EPB41L3: variants seen among roughly 807,000 people sequenced by gnomAD.
The protein encoded by EPB41L3 is band 4.1-like protein 3.
Under a neutral mutation model 127.1 loss-of-function variants are expected in EPB41L3, and 57 were observed. The observed-to-expected ratio is 0.45, with a 90% confidence interval of 0.36 to 0.56. EPB41L3 has a LOEUF of 0.56. EPB41L3 is among the 20% of genes least tolerant of loss of function. The probability of loss-of-function intolerance (pLI) is 0.00; values close to 1 mark genes in which losing one functional copy is unlikely to be tolerated. For missense variants in EPB41L3, 1,273 were observed against 1,372.2 expected, an observed-to-expected ratio of 0.93 and a Z score of 1.14; for synonymous variants, 572 against 549.5, an observed-to-expected ratio of 1.04 and a Z score of -0.57.
At chr18:5,629,463 C>T (rs2094964199), upstream of EPB41L3, among the ~76,000 whole-genome samples, 1 of 150,584 alleles carries the variant, frequency 6.6e-6, no homozygotes, top group Non-Finnish European at 1.5e-5. Context: ...CCGCTAGCGC[C>T]CCCCACGCCA....
chr18:5,397,460 C>T lies in EPB41L3; in HGVS notation c.2473-34G>A, dbSNP rs181631569. On this transcript the variant is annotated intron_variant, in intron 17 of 22. Transcript: ENST00000341928. This position sits in a 1 kb window ranked among gnomAD's most constrained non-coding sequence, Gnocchi z 4.1. ...GAAGAGATTGTGGCATCAGTGTGAC[C>T]ATCCATAAACCAAAGGTCAGAAAAT... The T allele has an allele frequency of 6.4e-7, 1 of 1,562,324 alleles. No individual in the cohort carries two copies. The highest frequency in any genetic ancestry group is 8.7e-7 in the Non-Finnish European group (1 of 1,154,744).
At chr18:5,547,426 T>C (rs2093898886), upstream of EPB41L3, among the ~76,000 whole-genome samples, 1 of 152,214 alleles carries the variant, frequency 6.6e-6, no homozygotes, top group African/African-American at 2.4e-5. Flanking sequence ...GTCCACACAG[T>C]ACTAAAGAGA....
chr18:5,407,594 C>T (rs1300543725), intron 15 of EPB41L3, 107 bp downstream of exon 15: 2 of 1,168,798 alleles, frequency 1.7e-6, no homozygotes, highest in Non-Finnish European at 2.5e-6. Context: ...AACATGGTAA[C>T]CAGCTACAGA....
chr18:5,521,780 G>C (rs2093001043), intron 1 of EPB41L3, among the ~76,000 whole-genome samples: 1 of 152,098 alleles, frequency 6.6e-6, no homozygotes, highest in African/African-American at 2.4e-5. Context: ...GGGATTTTCT[G>C]GGATTTTTGC....
At chr18:5,491,308 C>T (rs1291173599) in intron 1 of EPB41L3, among the ~76,000 whole-genome samples, 2 of 152,188 alleles carry the variant, frequency 1.3e-5, no homozygotes, top group Non-Finnish European at 2.9e-5. Flanking sequence ...GACCCACCTA[C>T]TCTGGACTGT....
chr18:5,537,548 C>A (rs1327836402), intron 1 of EPB41L3, among the ~76,000 whole-genome samples: 1 of 152,084 alleles, frequency 6.6e-6, no homozygotes, highest in African/African-American at 2.4e-5. Context: ...AAAAAATATT[C>A]TTCTTCCCTA....
chr18:5,589,815 A>G (rs2094470606), intron 3 of EPB41L3, among the ~76,000 whole-genome samples: 1 of 152,228 alleles, frequency 6.6e-6, no homozygotes, highest in East Asian at 1.9e-4. Flanking sequence ...TGATGCTTCA[A>G]GGACATTAAT....
At chr18:5,451,558 T>A (rs375913332) in intron 3 of EPB41L3, among the ~76,000 whole-genome samples, 1 of 152,208 alleles carries the variant, frequency 6.6e-6, no homozygotes, top group African/African-American at 2.4e-5. Context: ...TCACTTCATA[T>A]CCCTGACCGT....
intron 1 of EPB41L3, among the ~76,000 whole-genome samples, chr18:5,507,417 C>T (rs896567873): frequency 4.6e-5 from 7 of 151,962 alleles, no homozygotes; most frequent in African/African-American, 1.7e-4. Flanking sequence ...TTAATAAATG[C>T]CATTTATTAA....
At chr18:5,581,117 C>T (rs1235266207) in intron 3 of EPB41L3, among the ~76,000 whole-genome samples, 1 of 152,136 alleles carries the variant, frequency 6.6e-6, no homozygotes, top group Non-Finnish European at 1.5e-5. Flanking sequence ...TCCACCAAGT[C>T]TTTGTGGTGT....
intron 3 of EPB41L3, among the ~76,000 whole-genome samples, chr18:5,586,247 T>C (rs2094440769): frequency 6.6e-6 from 1 of 152,186 alleles, no homozygotes; most frequent in South Asian, 2.1e-4. Flanking sequence ...TATTTTGGCA[T>C]ATGTCAGACT....
At chr18:5,528,364 TGG>T (rs968136145) in intron 1 of EPB41L3, among the ~76,000 whole-genome samples, 17 of 151,714 alleles carry the variant, frequency 1.1e-4, no homozygotes, top group African/African-American at 2.9e-4. Context: ...TTTGTAGAGG[TGG>T]GGTCTCACTA....
At chr18:5,524,510 T>C (rs1469342843) in intron 1 of EPB41L3, among the ~76,000 whole-genome samples, 5 of 152,186 alleles carry the variant, frequency 3.3e-5, no homozygotes, top group African/African-American at 1.2e-4. Context: ...TCTTAACTAC[T>C]ATAGTACACA....
At chr18:5,534,751 T>TGAGAAAAA (rs2093517966) in intron 1 of EPB41L3, among the ~76,000 whole-genome samples, 1 of 152,104 alleles carries the variant, frequency 6.6e-6, no homozygotes, top group Non-Finnish European at 1.5e-5. Flanking sequence ...TGAGAAAACA[T>TGAGAAAAA]GTACTATGTG....
chr18:5,430,018 T>C (rs1331462568), intron 8 of EPB41L3, among the ~76,000 whole-genome samples: 9 of 152,232 alleles, frequency 5.9e-5, no homozygotes, highest in African/African-American at 2.2e-4. Context: ...AACAGGACTT[T>C]AGGAAGTGTA....
At chr18:5,527,921 A>C (rs1719955) in intron 1 of EPB41L3, among the ~76,000 whole-genome samples, 37,591 of 152,050 alleles carry the variant, frequency 0.25, 4,998 homozygotes, top group African/African-American at 0.35. Flanking sequence ...ATCAACATAC[A>C]CGGATCTCAA....
At chr18:5,512,411 T>C (rs1029527339) in intron 1 of EPB41L3, among the ~76,000 whole-genome samples, 3 of 151,748 alleles carry the variant, frequency 2.0e-5, no homozygotes, top group Admixed American at 6.6e-5. Flanking sequence ...AGTGTCTTTG[T>C]TTGGGTGGGG....
intron 1 of EPB41L3, among the ~76,000 whole-genome samples, chr18:5,619,086 C>A (rs2094830948): frequency 6.6e-6 from 1 of 152,166 alleles, no homozygotes; most frequent in Admixed American, 6.5e-5. Flanking sequence ...ATCTACTGAA[C>A]CCCTACTGTG....
In EPB41L3 at chr18:5,397,012, T is replaced by A. The variant is rs981656496; in HGVS notation, c.2841+46A>T. Reference sequence around the variant, plus strand: ...CTGATCTAAATTTCCAGGCATCCTATATCAGTTTTATTTTAGTGATAAAAG... The same window carrying A: ...CTGATCTAAATTTCCAGGCATCCTAAATCAGTTTTATTTTAGTGATAAAAG... On this transcript the variant is annotated intron_variant, in intron 18 of 22. Transcript: ENST00000341928. The surrounding 1 kb of genome is among the most constrained non-coding windows in gnomAD (Gnocchi z 4.1). 1 of 1,524,174 alleles carries A rather than the reference T, an allele frequency of 6.6e-7. No homozygotes were observed. Among genetic ancestry groups the A allele is most frequent in the Admixed American group, 2.1e-5 (1 of 48,716 alleles). The allele number at this position is 1,524,174 out of a possible 1,614,324, so 94.4% of individuals were successfully genotyped here. A position where few individuals can be genotyped will look rare whatever the true frequency, so the allele number is the denominator to read the frequency against.
Sources: allele counts gnomAD v4.1 joint callset (sites outside exome capture counted in the v4.1 genomes callset), GRCh38; gene constraint gnomAD v4.1.1; non-coding constraint Gnocchi (gnomAD v3.1); transcripts MANE v1.5; gene names NCBI Gene and HGNC (gene_info 2026-07-23, HGNC 2026-07-21).